Variants in SCARF1 observed in about 807,000 individuals in gnomAD.
The protein encoded by SCARF1 is scavenger receptor class F member 1, also known as acetyl LDL receptor.
In SCARF1, 49 loss-of-function variants were observed where a neutral mutation model predicts 76.3. The ratio of observed to expected loss-of-function variants is 0.64; its 90% CI spans 0.51 to 0.81. SCARF1 has a LOEUF of 0.81. SCARF1 is among the 40% of genes least tolerant of loss of function. The pLI is 0.00. For synonymous variants in SCARF1, 495 were observed against 474.6 expected, an observed-to-expected ratio of 1.04 and a Z score of -0.56; for missense variants, 1,098 against 1,143.9, an observed-to-expected ratio of 0.96 and a Z score of 0.58.
chr17:1,642,788 G>A (rs1228656096), intron 4 of SCARF1, among the ~76,000 whole-genome samples: 1 of 152,178 alleles, frequency 6.6e-6, no homozygotes, highest in Non-Finnish European at 1.5e-5. Flanking sequence ...TCGGCTCACT[G>A]CAACCTCCGC....
At chr17:1,639,559 G>C in intron 7 of SCARF1, 80 bp downstream of exon 7, 1 of 938,606 alleles carries the variant, frequency 1.1e-6, no homozygotes, top group Non-Finnish European at 1.7e-6. Context: ...AGACTCCCTG[G>C]TGAGGAACTT....
In SCARF1 at chr17:1,634,525, A is replaced by G; in HGVS notation, c.*233T>C. The G allele has an allele frequency of 4.4e-6, 2 of 456,862 alleles. No homozygotes were observed. Among genetic ancestry groups the G allele is most frequent in the Non-Finnish European group, 7.6e-6 (2 of 263,020 alleles). 28.3% of individuals were successfully genotyped at this position (456,862 alleles called of 1,614,324 possible). A position where few individuals can be genotyped will look rare whatever the true frequency, so the allele number is the denominator to read the frequency against. On this transcript the variant is annotated 3_prime_UTR_variant, in exon 11 of 11. Transcript: ENST00000263071. ...CACACAGGGTCCAGGACAGCAGAGC[A>G]AAAGTCCCTGCAGGCAACCCTTCCT...
chr17:1,636,354 G>A (rs1010670473), intron 10 of SCARF1, among the ~76,000 whole-genome samples: 1 of 152,194 alleles, frequency 6.6e-6, no homozygotes, highest in Non-Finnish European at 1.5e-5. Flanking sequence ...CTGTTTGCTG[G>A]CCAGGCGCAG....
chr17:1,635,889 T>G (rs1022246890), intron 10 of SCARF1, among the ~76,000 whole-genome samples: 1 of 151,906 alleles, frequency 6.6e-6, no homozygotes, highest in Non-Finnish European at 1.5e-5. Flanking sequence ...CCCAAAGTGC[T>G]GGGATCACAG....
In SCARF1 at chr17:1,640,344, G is replaced by C. The variant is rs909356375; in HGVS notation, c.1010+104C>G. 1.8e-6 allele frequency: 2 copies of C among 1,107,484 alleles called. No homozygotes were observed. Among genetic ancestry groups the C allele is most frequent in the Admixed American group, 4.7e-5 (2 of 42,880 alleles). 68.6% of individuals were successfully genotyped at this position (1,107,484 alleles called of 1,614,324 possible). A position where few individuals can be genotyped will look rare whatever the true frequency, so the allele number is the denominator to read the frequency against. ...CAACAGGAGGGAGGCCCCTGGGGCC[G>C]CATGAACCTGTGTGTCGGGGAGGGT... On this transcript the variant is annotated intron_variant, in intron 5 of 10. Transcript: ENST00000263071. This position sits in a 1 kb window ranked among gnomAD's most constrained non-coding sequence, Gnocchi z 4.7.
rs1910279372 is a variant in SCARF1 at position 1,643,612 on chromosome 17, G to A, written c.621C>T (p.Arg207=). ...HGSPCEQDSG[R]CACRPGWWGP... ...CCCACCAGCCCGGCCGGCAGGCGCA[G>A]CGGCCGGAGTCCTGCTCGCACGGGG... Residue 207 remains arginine, a synonymous_variant, in exon 4 of 11, where the codon CGC becomes CGT. Coordinates refer to ENST00000263071, the MANE Select transcript of SCARF1 (RefSeq NM_003693.4). The A allele has an allele frequency of 1.4e-6, 2 of 1,474,182 alleles. No homozygotes were observed. Among genetic ancestry groups the A allele is most frequent in the Non-Finnish European group, 1.8e-6 (2 of 1,120,396 alleles). The allele number at this position is 1,474,182 out of a possible 1,614,324, so 91.3% of individuals were successfully genotyped here.
chr17:1,643,120 C>T (rs1204796986), intron 4 of SCARF1, among the ~76,000 whole-genome samples: 1 of 149,710 alleles, frequency 6.7e-6, no homozygotes, highest in Non-Finnish European at 1.5e-5. Context: ...GCCCCGCCCG[C>T]TCACAGGTCT....
At position 1,640,262 on chromosome 17, in the gene SCARF1, G is replaced by T; in HGVS notation, c.1010+186C>A. On this transcript the variant is annotated intron_variant, in intron 5 of 10. Coordinates refer to ENST00000263071, the MANE Select transcript of SCARF1 (RefSeq NM_003693.4). The surrounding 1 kb of genome is among the most constrained non-coding windows in gnomAD (Gnocchi z 4.7). ...GAGGAGGGCAGGAAGCCTCAGAGGG[G>T]AGGGAGCTGGGATCCTGCCCAGGCC... 1 of 755,608 alleles carries T rather than the reference G, an allele frequency of 1.3e-6. No individual in the cohort carries two copies. Among genetic ancestry groups the T allele is most frequent in the Non-Finnish European group, 2.1e-6 (1 of 475,512 alleles). The allele number at this position is 755,608 out of a possible 1,614,324, so 46.8% of individuals were successfully genotyped here. A position where few individuals can be genotyped will look rare whatever the true frequency, so the allele number is the denominator to read the frequency against.
At position 1,640,005 on chromosome 17, in the gene SCARF1, T is replaced by A; in HGVS notation, c.1046A>T (p.Glu349Val). The A allele has an allele frequency of 6.2e-7, 1 of 1,613,826 alleles. No individual in the cohort carries two copies. Among genetic ancestry groups the A allele is most frequent in the Non-Finnish European group, 8.5e-7 (1 of 1,179,968 alleles). ...EDPCPTGTFG[E>V]DCGSTCPTCV... Reference sequence around the variant, plus strand: ...GGTGGGGCAGGTAGAGCCACAGTCTTCCCCAAAGGTACCAGTGGGGCAGGG... The same window carrying A: ...GGTGGGGCAGGTAGAGCCACAGTCTACCCCAAAGGTACCAGTGGGGCAGGG... The change falls in exon 6 of 11, where the codon GAA becomes GTA. Residue 349 changes from glutamate (E) to valine (V), a missense_variant. Coordinates refer to ENST00000263071, the MANE Select transcript of SCARF1 (RefSeq NM_003693.4). The surrounding 1 kb of genome is among the most constrained non-coding windows in gnomAD (Gnocchi z 4.7).
chr17:1,634,610 G>A lies in SCARF1; in HGVS notation c.*148C>T, dbSNP rs576834667. ...CTGGGCCCCTCCGGGAGCACTGCCA[G>A]GGGCCTGGGCCAACTGGCCTGGAAG... On this transcript the variant is annotated 3_prime_UTR_variant, in exon 11 of 11. Coordinates refer to ENST00000263071, the MANE Select transcript of SCARF1 (RefSeq NM_003693.4). The A allele has an allele frequency of 4.4e-5, 50 of 1,149,236 alleles. 1 individual carries two copies. In the African/African-American group the frequency reaches 5.6e-4, roughly 13 times the overall value. 71.2% of individuals were successfully genotyped at this position (1,149,236 alleles called of 1,614,324 possible).
Position 1,635,354 on chromosome 17 carries a change from C to A in SCARF1, c.1897G>T (p.Glu633Ter). ...GCTTCCTCTGGGCCTGTGGACTCTT[C>A]GGCTTCCCGGCCCTCAGGACCCGAC... is the stretch of plus-strand genomic sequence containing the variant. ...AQSGPEGREA[E>*]ESTGPEEAEA... The change falls in exon 11 of 11, where the codon GAA becomes TAA. Residue 633 changes from glutamate (E) to a stop codon, truncating the protein, a stop_gained. Coordinates refer to ENST00000263071, the MANE Select transcript of SCARF1 (RefSeq NM_003693.4). LOFTEE classifies it low-confidence loss of function (END_TRUNC). 1 of 1,613,130 alleles carries A rather than the reference C, an allele frequency of 6.2e-7. No individual in the cohort carries two copies. Among genetic ancestry groups the A allele is most frequent in the Non-Finnish European group, 8.5e-7 (1 of 1,179,486 alleles).
chr17:1,639,572 C>T (rs545744383), intron 7 of SCARF1, 67 bp downstream of exon 7: 12 of 1,133,940 alleles, frequency 1.1e-5, no homozygotes, highest in Non-Finnish European at 1.6e-5. Context: ...AGGAACTTGC[C>T]CTGGAGCCCA....
At position 1,640,354 on chromosome 17, in the gene SCARF1, G is replaced by C. The variant is rs1387824626; in HGVS notation, c.1010+94C>G. On this transcript the variant is annotated intron_variant, in intron 5 of 10. Transcript: ENST00000263071. The surrounding 1 kb of genome is among the most constrained non-coding windows in gnomAD (Gnocchi z 4.7). ...GAGGCCCCTGGGGCCGCATGAACCT[G>C]TGTGTCGGGGAGGGTGGTGCTCTCG... 35 of 1,185,224 alleles carry C rather than the reference G, an allele frequency of 3.0e-5. No individual in the cohort carries two copies. Among genetic ancestry groups the C allele is most frequent in the Admixed American group, 9.0e-5 (4 of 44,302 alleles). 73.4% of individuals were successfully genotyped at this position (1,185,224 alleles called of 1,614,324 possible). A position where few individuals can be genotyped will look rare whatever the true frequency, so the allele number is the denominator to read the frequency against.
rs1439358617 is a variant in SCARF1, at chr17:1,636,794, G to A, written c.1548C>T (p.Gly516=). The A allele has an allele frequency of 5.6e-6, 9 of 1,614,000 alleles. No homozygotes were observed. In the Admixed American group the frequency reaches 1.3e-4, roughly 24 times the overall value. The part of the protein sequence containing the change: ...NHSFIEPPSA[G]WATDDSFSSD... ...ATGAGAAGGAGTCATCAGTGGCCCA[G>A]CCGGCAGAGGGCGGCTCGATGAAGC... Residue 516 remains glycine (G), a synonymous_variant, in exon 10 of 11, where the codon GGC becomes GGT. Transcript: ENST00000263071.
At position 1,644,714 on chromosome 17, in the gene SCARF1, C is replaced by G. The variant is rs1045716203; in HGVS notation, c.265+120G>C. 19 of 925,112 alleles carry G rather than the reference C, an allele frequency of 2.1e-5. No homozygotes were observed. Among genetic ancestry groups the G allele is most frequent in the African/African-American group, 3.3e-5 (2 of 61,322 alleles). The allele number at this position is 925,112 out of a possible 1,614,324, so 57.3% of individuals were successfully genotyped here. On this transcript the variant is annotated intron_variant, in intron 3 of 10. Transcript: ENST00000263071. The surrounding 1 kb of genome is among the most constrained non-coding windows in gnomAD (Gnocchi z 4.8). Reference sequence around the variant, plus strand: ...TCTGGACCGCAATTCCTCAGTGAAGCTGGGGGGGATTCTGGCCCTGCTGTC... The same window carrying G: ...TCTGGACCGCAATTCCTCAGTGAAGGTGGGGGGGATTCTGGCCCTGCTGTC...
At position 1,645,018 on chromosome 17, in the gene SCARF1, GCCT is replaced by G. The variant is rs1910415858; in HGVS notation, c.164-86_164-84del. On this transcript the variant is annotated intron_variant, in intron 2 of 10. Transcript: ENST00000263071. This position sits in a 1 kb window ranked among gnomAD's most constrained non-coding sequence, Gnocchi z 6.3. ...CCCTCTCACTGGCTCCAGGGGCCAT[GCCT>G]CCTCAAGAGGTGCCCCTTCAGGCCT... is the stretch of plus-strand genomic sequence containing the variant. The G allele has an allele frequency of 2.6e-6, 4 of 1,535,502 alleles. No individual in the cohort carries two copies. The highest frequency in any genetic ancestry group is 1.7e-4 in the Middle Eastern group (1 of 5,940).
chr17:1,634,353 C>G lies in SCARF1; in HGVS notation c.*405G>C. ...GCAGTGAGCCGAGATCGCACCACTG[C>G]ACTCCAGCCTGGGGGACAGAGGGAG... On this transcript the variant is annotated 3_prime_UTR_variant, in exon 11 of 11. Transcript: ENST00000263071. 1 of 340,692 alleles carries G rather than the reference C, an allele frequency of 2.9e-6. No individual in the cohort carries two copies. Among genetic ancestry groups the G allele is most frequent in the Non-Finnish European group, 5.2e-6 (1 of 191,644 alleles). The allele number at this position is 340,692 out of a possible 1,614,324, so 21.1% of individuals were successfully genotyped here. A position where few individuals can be genotyped will look rare whatever the true frequency, so the allele number is the denominator to read the frequency against.
chr17:1,641,933 G>T (rs1295708132), intron 4 of SCARF1, among the ~76,000 whole-genome samples: 1 of 152,020 alleles, frequency 6.6e-6, no homozygotes, highest in African/African-American at 2.4e-5. Context: ...TGTTAGCCAG[G>T]CTGGTCTCGA....
chr17:1,635,682 A>G, intron 10 of SCARF1, 65 bp from the exon 11 acceptor site: 1 of 1,508,668 alleles, frequency 6.6e-7, no homozygotes, highest in South Asian at 1.3e-5. Context: ...TCCTACCCAC[A>G]GCTCAGCATC....
Sources: gnomAD v4.1 joint callset for allele counts (sites outside exome capture counted in the v4.1 genomes callset) on GRCh38, gnomAD v4.1.1 for gene constraint, Gnocchi (gnomAD v3.1) non-coding constraint, MANE v1.5 for transcripts, NCBI Gene and HGNC (gene_info 2026-07-23, HGNC 2026-07-21) for gene names.